CSMD1: variants seen among roughly 807,000 people sequenced by gnomAD.
CSMD1 encodes CUB and sushi domain-containing protein 1.
A neutral mutation model predicts 417.5 loss-of-function variants in CSMD1; 213 were observed. The observed-to-expected ratio is 0.51, with a 90% CI of 0.46 to 0.57. CSMD1 has a LOEUF of 0.57. Ranked by LOEUF, CSMD1 falls within the 20% of genes least tolerant of loss-of-function variation. CSMD1 has a pLI of 0.00. For missense variants in CSMD1, 6,923 were observed against 4,529.7 expected (o/e 1.53, Z -15.17); for synonymous variants, 2,862 against 1,736.8 (o/e 1.65, Z -16.11).
chr8:4,845,774 A>G (rs759792535), intron 1 of CSMD1, among the ~76,000 whole-genome samples: 4 of 152,196 alleles, frequency 2.6e-5, no homozygotes, highest in African/African-American at 9.6e-5. Flanking sequence ...GAATCACGTG[A>G]GTAGTATCAC....
chr8:3,576,983 A>T (rs1800176222), intron 9 of CSMD1, among the ~76,000 whole-genome samples: 2 of 152,374 alleles, frequency 1.3e-5, no homozygotes, highest in South Asian at 4.1e-4. Context: ...GAAGCAATGT[A>T]ACCATATTGG....
intron 2 of CSMD1, among the ~76,000 whole-genome samples, chr8:4,477,294 G>A (rs1043657657): frequency 2.0e-5 from 3 of 152,142 alleles, no homozygotes; most frequent in African/African-American, 7.2e-5. Flanking sequence ...GGCTGAGCTG[G>A]TCCTCACCGT....
rs183520968 is a variant in CSMD1, at chr8:4,186,716, G to C, written c.416-154617C>G. On this transcript the variant is annotated intron_variant, in intron 3 of 69. Coordinates refer to ENST00000635120, the MANE Select transcript of CSMD1 (RefSeq NM_033225.6). The stretch of plus-strand genomic sequence containing the variant: ...TAAATATTTTTTTCAGCGGCGTACG[G>C]TCGCTCACACCTGTAATCCCAGCAA... 1.6e-3 allele frequency among the ~76,000 whole-genome samples: 237 copies of C among 152,030 alleles called. 5 individuals carry two copies. The East Asian group carries it at 0.02, about 13-fold the overall frequency.
intron 4 of CSMD1, among the ~76,000 whole-genome samples, chr8:3,999,746 G>C (rs1466426903): frequency 6.6e-6 from 1 of 152,090 alleles, no homozygotes; most frequent in Non-Finnish European, 1.5e-5. Context: ...TCTTTGAGAG[G>C]TACACTTGGA....
At chr8:3,624,048 G>A (rs548277322) in intron 7 of CSMD1, among the ~76,000 whole-genome samples, 14 of 151,978 alleles carry the variant, frequency 9.2e-5, no homozygotes, top group Non-Finnish European at 1.5e-5. Context: ...ATTATGCGTT[G>A]AAGGGCTTTG....
chr8:3,674,351 T>G (rs1212545601), intron 7 of CSMD1, among the ~76,000 whole-genome samples: 1 of 152,168 alleles, frequency 6.6e-6, no homozygotes, highest in East Asian at 1.9e-4. Context: ...ATCTGAAGAT[T>G]AACAAATTAT....
At chr8:3,628,843 G>T (rs1796623359) in intron 7 of CSMD1, among the ~76,000 whole-genome samples, 1 of 151,188 alleles carries the variant, frequency 6.6e-6, no homozygotes, top group African/African-American at 2.4e-5. Flanking sequence ...TTTCTTAAGT[G>T]GTTCTAGTAA....
intron 2 of CSMD1, among the ~76,000 whole-genome samples, chr8:4,602,656 G>A (rs1433406305): frequency 1.3e-5 from 2 of 152,156 alleles, no homozygotes; most frequent in Non-Finnish European, 2.9e-5. Context: ...TAGGGCAAGT[G>A]GCAAATACTT....
intron 5 of CSMD1, among the ~76,000 whole-genome samples, chr8:3,866,400 ATGG>A (rs1563158821): frequency 4.6e-5 from 7 of 152,176 alleles, no homozygotes. Flanking sequence ...CTTAGCTCAT[ATGG>A]TTTAGTAAAT....
chr8:4,369,003 G>T (rs899368473), intron 3 of CSMD1, among the ~76,000 whole-genome samples: 1 of 151,970 alleles, frequency 6.6e-6, no homozygotes, highest in Non-Finnish European at 1.5e-5. Flanking sequence ...GGGATGGTTT[G>T]CTCTGGTTTT....
At chr8:3,539,594 C>T (rs1460748410) in intron 10 of CSMD1, among the ~76,000 whole-genome samples, 4 of 152,170 alleles carry the variant, frequency 2.6e-5, no homozygotes, top group South Asian at 2.1e-4. Context: ...AGAATTGAAG[C>T]GAAACACAGC....
chr8:4,289,589 G>C (rs541864634), intron 3 of CSMD1, among the ~76,000 whole-genome samples: 1 of 152,148 alleles, frequency 6.6e-6, no homozygotes, highest in Non-Finnish European at 1.5e-5. Flanking sequence ...TCCAGGTCTG[G>C]CAGTGACGAT....
chr8:4,218,431 T>G (rs189590168), intron 3 of CSMD1, among the ~76,000 whole-genome samples: 1 of 152,212 alleles, frequency 6.6e-6, no homozygotes, highest in African/African-American at 2.4e-5. Flanking sequence ...ATATACCTAC[T>G]TTTATTCTGC....
chr8:4,000,808 C>T (rs918041208), intron 4 of CSMD1, among the ~76,000 whole-genome samples: 1 of 151,710 alleles, frequency 6.6e-6, no homozygotes, highest in Non-Finnish European at 1.5e-5. Context: ...AAAGTTATGG[C>T]ATCTCAATGT....
intron 26 of CSMD1, among the ~76,000 whole-genome samples, chr8:3,275,646 C>T: frequency 6.6e-6 from 1 of 152,124 alleles, no homozygotes; most frequent in Non-Finnish European, 1.5e-5. Flanking sequence ...TCTTTTTTCT[C>T]TAAACTTCCC....
chr8:3,997,410 T>C (rs1815300970), intron 5 of CSMD1, among the ~76,000 whole-genome samples: 1 of 152,192 alleles, frequency 6.6e-6, no homozygotes. Flanking sequence ...GTGTGTTAAG[T>C]TATTTTGCCT....
At chr8:4,231,343 A>G (rs186948600) in intron 3 of CSMD1, among the ~76,000 whole-genome samples, 4 of 152,256 alleles carry the variant, frequency 2.6e-5, no homozygotes, top group Non-Finnish European at 5.9e-5. Flanking sequence ...ACTTCAATAA[A>G]TCACCTAGCA....
At chr8:4,646,873 C>A (rs576991561) in intron 1 of CSMD1, among the ~76,000 whole-genome samples, 8 of 152,076 alleles carry the variant, frequency 5.3e-5, no homozygotes, top group Non-Finnish European at 1.2e-4. Flanking sequence ...GATATGGAGA[C>A]CTGAATCATG....
intron 25 of CSMD1, among the ~76,000 whole-genome samples, chr8:3,305,513 G>A (rs541575427): frequency 2.0e-5 from 3 of 152,116 alleles, no homozygotes; most frequent in East Asian, 1.9e-4. Flanking sequence ...TAGTGGGAGG[G>A]AGCCCCTGAT....
Sources: gnomAD v4.1 joint callset for allele counts (sites outside exome capture counted in the v4.1 genomes callset) on GRCh38, gnomAD v4.1.1 for gene constraint, MANE v1.5 for transcripts, NCBI Gene and HGNC (gene_info 2026-07-23, HGNC 2026-07-21) for gene names.